Variants in PRR16 observed in about 807,000 individuals in gnomAD.
PRR16 encodes proline rich 16.
PRR16 carries 6 observed loss-of-function variants against 18.2 expected under a neutral mutation model. The ratio of observed to expected loss-of-function variants is 0.33; its 90% CI spans 0.18 to 0.65. PRR16 has a LOEUF of 0.65. Among genes scored for constraint, PRR16 ranks in the 30% least tolerant of loss-of-function variants. The probability of loss-of-function intolerance (pLI) is 0.74; values close to 1 mark genes in which losing one functional copy is unlikely to be tolerated. For missense variants in PRR16, 412 were observed against 376.6 expected (o/e 1.09, Z -0.78); for synonymous variants, 151 against 147.8 (o/e 1.02, Z -0.16).
Position 120,686,155 on chromosome 5 carries a change from A to G in PRR16, c.361A>G (p.Asn121Asp). The part of the protein sequence containing the change: ...SAILTVLRKP[N>D]PPPPPPRLTP... ...TATCCTCACGGTCCTGAGAAAGCCAAACCCTCCACCACCTCCTCCAAGGTT... is the reference window on the plus strand; with the variant it reads ...TATCCTCACGGTCCTGAGAAAGCCAGACCCTCCACCACCTCCTCCAAGGTT... Residue 121 changes from asparagine to aspartate, a missense_variant, in exon 2 of 2, where the codon AAC (asparagine) becomes GAC (aspartate). Asn to Asp is a conservative substitution (Grantham distance 23, BLOSUM62 1). Coordinates refer to ENST00000407149, the MANE Select transcript of PRR16 (RefSeq NM_001300783.2). The G allele has an allele frequency of 1.2e-6, 2 of 1,614,134 alleles. No homozygotes were observed. Among genetic ancestry groups the G allele is most frequent in the South Asian group, 1.1e-5 (1 of 91,088 alleles).
chr5:120,549,328 T>G (rs923464176), intron 1 of PRR16, among the ~76,000 whole-genome samples: 4 of 152,120 alleles, frequency 2.6e-5, no homozygotes, highest in African/African-American at 9.7e-5. Flanking sequence ...GCACAAGCCT[T>G]GACCTCTCAA....
intron 1 of PRR16, among the ~76,000 whole-genome samples, chr5:120,489,902 C>T (rs896701613): frequency 6.6e-6 from 1 of 152,164 alleles, no homozygotes; most frequent in African/African-American, 2.4e-5. Flanking sequence ...ATTTCTCCTT[C>T]ATTTATGAAA....
intron 1 of PRR16, among the ~76,000 whole-genome samples, chr5:120,547,317 A>T (rs914066304): frequency 2.0e-5 from 3 of 152,084 alleles, no homozygotes; most frequent in Admixed American, 2.0e-4. Flanking sequence ...ATACTCCTAG[A>T]GTCTTAAATC....
chr5:120,787,918 A>G, the PRR16 span, among the ~76,000 whole-genome samples: 2 of 152,006 alleles, frequency 1.3e-5, no homozygotes, highest in African/African-American at 2.4e-5. Context: ...TCAGAAACTT[A>G]TATTTTCTCT....
rs187780334 is a variant in PRR16 at position 120,664,612 on chromosome 5, C to G, written c.160-21342C>G. Among the ~76,000 whole-genome samples, 86 of 152,086 alleles carry G rather than the reference C, an allele frequency of 5.7e-4. 1 individual carries two copies. The highest frequency in any genetic ancestry group is 2.0e-3 in the African/African-American group (84 of 41,482). ...CCTAATGCTATCCCTCCCTGCTCCC[C>G]CTACCCCACAGCAGTCCCCAGAGTG... On this transcript the variant is annotated intron_variant, in intron 1 of 1. Transcript: ENST00000407149.
At chr5:120,646,834 A>T (rs1042863716) in intron 1 of PRR16, among the ~76,000 whole-genome samples, 5 of 152,028 alleles carry the variant, frequency 3.3e-5, no homozygotes, top group African/African-American at 1.2e-4. Context: ...ATAGGAAAGG[A>T]ATAAATTAGC....
chr5:120,696,009 A>C, the PRR16 span, among the ~76,000 whole-genome samples: 1 of 152,122 alleles, frequency 6.6e-6, no homozygotes, highest in African/African-American at 2.4e-5. Flanking sequence ...TTGGGAGGCC[A>C]AGGTGGGTGG....
At chr5:120,637,790 A>C (rs1755289337) in intron 1 of PRR16, among the ~76,000 whole-genome samples, 2 of 152,142 alleles carry the variant, frequency 1.3e-5, no homozygotes, top group Non-Finnish European at 2.9e-5. Context: ...AGCTGCATTC[A>C]TGCCACCACA....
At chr5:120,635,462 C>T (rs963485729) in intron 1 of PRR16, among the ~76,000 whole-genome samples, 1 of 152,060 alleles carries the variant, frequency 6.6e-6, no homozygotes, top group Non-Finnish European at 1.5e-5. Flanking sequence ...GATGGTTTAA[C>T]ATACATAAAG....
intron 1 of PRR16, chr5:120,658,475 C>T (rs566411077): frequency 6.6e-6 from 1 of 151,982 alleles, no homozygotes; most frequent in Admixed American, 6.6e-5. Flanking sequence ...TCACTTTCCC[C>T]ATAAAGCCCT....
chr5:120,690,415 T>G (rs1007937769), downstream of PRR16, among the ~76,000 whole-genome samples: 23 of 152,180 alleles, frequency 1.5e-4, no homozygotes, highest in Non-Finnish European at 3.2e-4. Flanking sequence ...AGATTTCGTT[T>G]CTTGCTTCTA....
At chr5:120,522,546 A>T (rs1443901872) in intron 1 of PRR16, among the ~76,000 whole-genome samples, 4 of 152,004 alleles carry the variant, frequency 2.6e-5, no homozygotes, top group African/African-American at 4.8e-5. Flanking sequence ...TAAATTTGTT[A>T]AAGTTCTTTG....
the PRR16 span, among the ~76,000 whole-genome samples, chr5:120,775,244 A>G: frequency 6.6e-6 from 1 of 152,194 alleles, no homozygotes; most frequent in Non-Finnish European, 1.5e-5. Flanking sequence ...TTTGCATAAT[A>G]GCATATACTA....
chr5:120,726,526 T>C, the PRR16 span, among the ~76,000 whole-genome samples: 1 of 152,088 alleles, frequency 6.6e-6, no homozygotes, highest in Non-Finnish European at 1.5e-5. Flanking sequence ...AGAAATGGCA[T>C]GCAGATGGGA....
chr5:120,751,750 A>G, the PRR16 span, among the ~76,000 whole-genome samples: 2 of 151,950 alleles, frequency 1.3e-5, no homozygotes, highest in Non-Finnish European at 2.9e-5. Context: ...TGAACCAATC[A>G]TATGGAAATA....
chr5:120,749,177 A>G, the PRR16 span, among the ~76,000 whole-genome samples: 3 of 152,104 alleles, frequency 2.0e-5, no homozygotes, highest in Non-Finnish European at 2.9e-5. Flanking sequence ...CATAGAAAAC[A>G]CTAGAAAAAT....
the PRR16 span, among the ~76,000 whole-genome samples, chr5:120,729,420 A>G: frequency 6.6e-6 from 1 of 152,264 alleles, no homozygotes; most frequent in African/African-American, 2.4e-5. Flanking sequence ...GAAGAGTTGT[A>G]TGAAAACATC....
chr5:120,700,988 C>G, the PRR16 span, among the ~76,000 whole-genome samples: 2 of 152,134 alleles, frequency 1.3e-5, no homozygotes, highest in African/African-American at 4.8e-5. Context: ...AGATGGGACA[C>G]AGCTTAGGAG....
At chr5:120,524,142 CA>C (rs1382380183) in intron 1 of PRR16, among the ~76,000 whole-genome samples, 17 of 152,282 alleles carry the variant, frequency 1.1e-4, no homozygotes, top group Non-Finnish European at 1.6e-4. Context: ...TGGCACATAG[CA>C]GCTGGAACCA....
Sources: allele counts gnomAD v4.1 joint callset (sites outside exome capture counted in the v4.1 genomes callset), GRCh38; gene constraint gnomAD v4.1.1; transcripts MANE v1.5; gene names NCBI Gene and HGNC (gene_info 2026-07-23, HGNC 2026-07-21).